BRD8: variants seen among roughly 807,000 people sequenced by gnomAD.
BRD8 encodes bromodomain containing 8.
Under a neutral mutation model 143.1 loss-of-function variants are expected in BRD8, and 67 were observed. That is an observed-to-expected ratio of 0.47 (90% CI 0.38 to 0.57). The LOEUF (loss-of-function observed/expected upper bound fraction) is 0.57, where lower values mean the gene tolerates loss of function less well. Among genes scored for constraint, BRD8 ranks in the 20% least tolerant of loss-of-function variants. The pLI is 0.00. For missense variants in BRD8, 1,103 were observed against 1,503.0 expected (o/e 0.73, Z 4.40); for synonymous variants, 505 against 517.1 (o/e 0.98, Z 0.32).
intron 3 of BRD8, among the ~76,000 whole-genome samples, chr5:138,171,648 A>G (rs1292245865): frequency 6.6e-6 from 1 of 152,184 alleles, no homozygotes; most frequent in African/African-American, 2.4e-5. Flanking sequence ...AGGCAACCTA[A>G]CTGCCAATAT....
chr5:138,149,731 G>A lies in BRD8; in HGVS notation c.3187C>T (p.Gln1063Ter), dbSNP rs535296955. The A allele has an allele frequency of 6.2e-7, 1 of 1,613,792 alleles. No homozygotes were observed. The highest frequency in any genetic ancestry group is 8.5e-7 in the Non-Finnish European group (1 of 1,179,878). Residue 1063 changes from glutamine (Q) to a stop codon, truncating the protein, a stop_gained, in exon 23 of 27, where the codon CAG (glutamine) becomes TAG (stop). Coordinates refer to ENST00000254900, the MANE Select transcript of BRD8 (RefSeq NM_139199.2). LOFTEE classifies it high-confidence loss of function. ...GEVYVSEMED[Q>*]PPSGECDDAF... The stretch of plus-strand genomic sequence containing the variant: ...TCATCACACTCGCCTGAAGGGGGCT[G>A]GTCTTCCATCTCTGACACATATACT...
intron 21 of BRD8, among the ~76,000 whole-genome samples, chr5:138,151,586 A>G (rs1441376663): frequency 6.6e-6 from 1 of 152,238 alleles, no homozygotes; most frequent in Non-Finnish European, 1.5e-5. Context: ...AAGGATACTC[A>G]TAAAGCAGTC....
intron 26 of BRD8, 144 bp downstream of exon 26, chr5:138,140,561 C>T: frequency 1.0e-6 from 1 of 958,646 alleles, no homozygotes; most frequent in Non-Finnish European, 1.6e-6. Context: ...GTTTTCCAAA[C>T]CAGCAGGCAC....
chr5:138,163,786 A>G, intron 14 of BRD8: 1 of 666,784 alleles, frequency 1.5e-6, no homozygotes, highest in Non-Finnish European at 2.4e-6. Flanking sequence ...TGGATAGTCT[A>G]ATTAATAAAC....
At chr5:138,165,747 AGC>A in intron 11 of BRD8, 79 bp downstream of exon 11, 1 of 1,282,502 alleles carries the variant, frequency 7.8e-7, no homozygotes, top group Non-Finnish European at 1.1e-6. Context: ...AAAAAAAAGC[AGC>A]AGCAGCACCA....
rs2151214271 is a variant in BRD8 at position 138,171,099 on chromosome 5, A to G, written c.298T>C (p.Leu100=). ...ETVEDVIVRK[L]TAERVEELKK... is the part of the protein sequence containing the mutation. ...AGTTCTTCAACTCGCTCAGCAGTCA[A>G]TTTCCGAACAATAACATCTTCAACA... The change falls in exon 5 of 27, where the codon TTG becomes CTG. Residue 100 remains leucine (L), a synonymous_variant. Coordinates refer to ENST00000254900, the MANE Select transcript of BRD8 (RefSeq NM_139199.2). 1.2e-6 allele frequency: 2 copies of G among 1,613,830 alleles called. No homozygotes were observed. Among genetic ancestry groups the G allele is most frequent in the Non-Finnish European group, 1.7e-6 (2 of 1,179,858 alleles).
In BRD8 at chr5:138,139,968, T is replaced by C. The variant is rs1751838638; in HGVS notation, c.*106A>G. 1.2e-6 allele frequency: 1 copy of C among 866,710 alleles called. No individual in the cohort carries two copies. Among genetic ancestry groups the C allele is most frequent in the Middle Eastern group, 2.2e-4 (1 of 4,446 alleles). 53.7% of individuals were successfully genotyped at this position (866,710 alleles called of 1,614,324 possible). Reference sequence around the variant, plus strand: ...GTTGTGAGTTAAGGTATTATTCTTGTTGGAAAAGAAAATGAGGACATGGCA... The same window carrying C: ...GTTGTGAGTTAAGGTATTATTCTTGCTGGAAAAGAAAATGAGGACATGGCA... On this transcript the variant is annotated 3_prime_UTR_variant, in exon 27 of 27. Coordinates refer to ENST00000254900, the MANE Select transcript of BRD8 (RefSeq NM_139199.2).
At chr5:138,155,163 T>TTGGCAGGGCG (rs1452477422) in intron 20 of BRD8, among the ~76,000 whole-genome samples, 1 of 151,656 alleles carries the variant, frequency 6.6e-6, no homozygotes, top group Non-Finnish European at 1.5e-5. Context: ...TTTAAAAATG[T>TTGGCAGGGCG]TGGCAGGGCG....
At chr5:138,171,987 CT>C in intron 3 of BRD8, 77 bp downstream of exon 3, 1 of 1,089,632 alleles carries the variant, frequency 9.2e-7, no homozygotes, top group Non-Finnish European at 1.4e-6. Flanking sequence ...AGCTTTGTAA[CT>C]AAAAGTCAGG....
At chr5:138,154,564 A>G (rs1454358284) in intron 20 of BRD8, among the ~76,000 whole-genome samples, 3 of 152,150 alleles carry the variant, frequency 2.0e-5, no homozygotes, top group African/African-American at 7.2e-5. Context: ...GTAACAAGGA[A>G]TTTCATGTTC....
intron 8 of BRD8, chr5:138,168,608 G>C (rs907538968): frequency 3.7e-6 from 6 of 1,606,142 alleles, no homozygotes; most frequent in South Asian, 1.1e-5. Flanking sequence ...GGGCTTCTAA[G>C]GGTGCAGAGC....
intron 2 of BRD8, among the ~76,000 whole-genome samples, chr5:138,176,169 T>C (rs1754318269): frequency 6.6e-6 from 1 of 152,174 alleles, no homozygotes; most frequent in East Asian, 1.9e-4. Flanking sequence ...GAATTAAGTA[T>C]TGATACATGC....
At chr5:138,168,762 T>C (rs1348658359) in intron 8 of BRD8, 4 of 762,984 alleles carry the variant, frequency 5.2e-6, no homozygotes, top group Admixed American at 5.4e-5. Context: ...TATGGGTTAG[T>C]GTGTCTAACT....
chr5:138,168,064 T>A lies in BRD8; in HGVS notation c.657A>T (p.Glu219Asp). Residue 219 changes from glutamate (E) to aspartate (D), a missense_variant, in exon 9 of 27, where the codon GAA (glutamate) becomes GAT (aspartate). Coordinates refer to ENST00000254900, the MANE Select transcript of BRD8 (RefSeq NM_139199.2). ...TCAGGTGGCCAGAAGCCACAGCCAT[T>A]TCACTCTCATTGACCTACCAGGGAA... ...EEATSGVNES[E>D]MAVASGHLNS... 1.2e-6 allele frequency: 2 copies of A among 1,613,128 alleles called. No individual in the cohort carries two copies. Among genetic ancestry groups the A allele is most frequent in the Non-Finnish European group, 8.5e-7 (1 of 1,179,346 alleles).
chr5:138,168,188 CCA>C (rs1753596946), intron 8 of BRD8, 110 bp from the exon 9 acceptor site: 3 of 779,602 alleles, frequency 3.8e-6, no homozygotes, highest in African/African-American at 1.7e-5. Context: ...TAGCTAATAT[CCA>C]CAGAGAATAA....
At chr5:138,159,799 C>G (rs1315478523) in intron 19 of BRD8, among the ~76,000 whole-genome samples, 200 bp from the exon 20 acceptor site, 1 of 152,212 alleles carries the variant, frequency 6.6e-6, no homozygotes, top group Non-Finnish European at 1.5e-5. Flanking sequence ...CTGCTGCAGG[C>G]TAAGCCATTT....
Position 138,157,340 on chromosome 5 carries a change from G to A in BRD8, c.2577+2215C>T, listed in dbSNP as rs140446934. 1,206 of 1,595,202 alleles carry A rather than the reference G, an allele frequency of 7.6e-4. 9 individuals carry two copies. In the African/African-American group the frequency reaches 0.013, roughly 17 times the overall value. On this transcript the variant is annotated intron_variant, in intron 20 of 26. Transcript: ENST00000254900. Reference sequence around the variant, plus strand: ...CAAGAGACGGTGCAACAGAAAAGTTGGGGATTTGGTTTCTTGGGGGAGAGG... The same window carrying A: ...CAAGAGACGGTGCAACAGAAAAGTTAGGGATTTGGTTTCTTGGGGGAGAGG...
chr5:138,154,372 C>G (rs138453351), intron 20 of BRD8, among the ~76,000 whole-genome samples: 9 of 152,282 alleles, frequency 5.9e-5, no homozygotes, highest in African/African-American at 1.9e-4. Flanking sequence ...ACCTTCCATT[C>G]GGTTTGCTAG....
intron 2 of BRD8, among the ~76,000 whole-genome samples, chr5:138,175,851 T>C (rs11746476): frequency 0.13 from 17,860 of 139,930 alleles, 1,331 homozygotes; most frequent in Non-Finnish European, 0.16. Flanking sequence ...GAGGCAGAGG[T>C]TGCAGTGAAC....
Sources: allele counts gnomAD v4.1 joint callset (sites outside exome capture counted in the v4.1 genomes callset), GRCh38; gene constraint gnomAD v4.1.1; transcripts MANE v1.5; gene names NCBI Gene and HGNC (gene_info 2026-07-23, HGNC 2026-07-21).